The following NIPBL variants were observed in gnomAD, a reference collection of about 807,000 sequenced individuals.
The protein encoded by NIPBL is NIPBL cohesin loading factor.
Under a neutral mutation model 321.8 loss-of-function variants are expected in NIPBL, and 19 were observed. That is an observed-to-expected ratio of 0.06 (90% CI 0.04 to 0.09). The LOEUF is 0.09. Ranked by LOEUF, NIPBL falls within the 10% of genes least tolerant of loss-of-function variation. The pLI is 1.00. For missense variants in NIPBL, 2,210 were observed against 3,327.0 expected, an observed-to-expected ratio of 0.66 and a Z score of 8.26; for synonymous variants, 1,106 against 1,114.1, an observed-to-expected ratio of 0.99 and a Z score of 0.14.
At chr5:36,912,164 A>T (rs950916005) in intron 1 of NIPBL, among the ~76,000 whole-genome samples, 1 of 152,220 alleles carries the variant, frequency 6.6e-6, no homozygotes, top group Non-Finnish European at 1.5e-5. Flanking sequence ...AAGAGAATAG[A>T]TTTAAGAAAT....
At chr5:36,980,595 T>G (rs1210384022) in intron 9 of NIPBL, among the ~76,000 whole-genome samples, 1 of 151,628 alleles carries the variant, frequency 6.6e-6, no homozygotes, top group African/African-American at 2.4e-5. Flanking sequence ...GTATTCAGTA[T>G]AGTAACATGC....
chr5:37,013,789 C>T (rs182485274), intron 21 of NIPBL, among the ~76,000 whole-genome samples: 305 of 152,348 alleles, frequency 2.0e-3, no homozygotes, highest in East Asian at 0.018. Context: ...AGATGCTCCT[C>T]ACTTCCCAGA....
chr5:36,991,134 G>GT (rs2149654969), intron 10 of NIPBL, among the ~76,000 whole-genome samples: 1 of 151,852 alleles, frequency 6.6e-6, no homozygotes, highest in South Asian at 2.1e-4. Context: ...AAATATTAGC[G>GT]TTTTCTGGCT....
rs773366068 is a variant in NIPBL, at chr5:36,985,470, A to T, written c.2290A>T (p.Asn764Tyr). ...RPETPKHRHD[N>Y]RRDSGKPSTE... ...TGAAACACCAAAACACAGGCATGAC[A>T]ATAGGAGGGATTCTGGAAAGCCATC... The change falls in exon 10 of 47, where the codon AAT becomes TAT. Residue 764 changes from asparagine to tyrosine, a missense_variant. Transcript: ENST00000282516. 1 of 1,613,614 alleles carries T rather than the reference A, an allele frequency of 6.2e-7. No individual in the cohort carries two copies. Among genetic ancestry groups the T allele is most frequent in the Non-Finnish European group, 8.5e-7 (1 of 1,179,948 alleles).
At position 36,881,452 on chromosome 5, in the gene NIPBL, C is replaced by G. The variant is rs147027397; in HGVS notation, c.-80+4274C>G. 4.8e-3 allele frequency among the ~76,000 whole-genome samples: 728 copies of G among 151,970 alleles called. 3 individuals are homozygous for G. Among genetic ancestry groups the G allele is most frequent in the Middle Eastern group, 6.8e-3 (2 of 294 alleles). On this transcript the variant is annotated intron_variant, in intron 1 of 46. Coordinates refer to ENST00000282516, the MANE Select transcript of NIPBL (RefSeq NM_133433.4). ...GCATTGCCAGCTAAGATTTTGAGGA[C>G]TTATTTGCCAGGAGTTAAGTCTGTC...
chr5:36,922,869 G>A (rs1749053967), intron 1 of NIPBL, among the ~76,000 whole-genome samples: 1 of 152,140 alleles, frequency 6.6e-6, no homozygotes. Flanking sequence ...ATGTTAAAGG[G>A]TAACTGATTT....
chr5:36,896,886 CA>C (rs1433741508), intron 1 of NIPBL, among the ~76,000 whole-genome samples: 1 of 152,156 alleles, frequency 6.6e-6, no homozygotes, highest in East Asian at 1.9e-4. Context: ...AGGCTTGACC[CA>C]CCACACCTGG....
chr5:37,011,216 A>G (rs1163119495), intron 21 of NIPBL, among the ~76,000 whole-genome samples: 3 of 152,218 alleles, frequency 2.0e-5, no homozygotes, highest in Non-Finnish European at 4.4e-5. Flanking sequence ...GTTAGAGCCA[A>G]GCATATGTGT....
intron 32 of NIPBL, among the ~76,000 whole-genome samples, chr5:37,028,812 A>G (rs1432480046): frequency 1.3e-5 from 2 of 152,146 alleles, no homozygotes; most frequent in Non-Finnish European, 2.9e-5. Context: ...CTGTCTCAAA[A>G]ATGTATTTTT....
rs1745097407 is a variant in NIPBL at position 36,876,880 on chromosome 5, C to T, written c.-378C>T. The T allele has an allele frequency of 5.1e-6, 2 of 391,748 alleles. No homozygotes were observed. Among genetic ancestry groups the T allele is most frequent in the Admixed American group, 4.5e-5 (1 of 22,080 alleles). 24.3% of individuals were successfully genotyped at this position (391,748 alleles called of 1,614,324 possible). ...TACCGACTCACCCGACACCACCAAG[C>T]CGCAGGGAGGGACGCCCCCGCCGAC... On this transcript the variant is annotated 5_prime_UTR_variant, in exon 1 of 47. Coordinates refer to ENST00000282516, the MANE Select transcript of NIPBL (RefSeq NM_133433.4).
chr5:36,918,491 C>G (rs1202320560), intron 1 of NIPBL, among the ~76,000 whole-genome samples: 1 of 152,120 alleles, frequency 6.6e-6, no homozygotes, highest in African/African-American at 2.4e-5. Flanking sequence ...TTGACTTCCT[C>G]TTTTCCTAAT....
intron 8 of NIPBL, among the ~76,000 whole-genome samples, 166 bp downstream of exon 8, chr5:36,972,207 G>A (rs112872180): frequency 8.6e-4 from 131 of 151,696 alleles, no homozygotes; most frequent in African/African-American, 2.9e-3. Flanking sequence ...ATTTAAATCT[G>A]TCCCTATTCA....
chr5:36,886,067 G>T lies in NIPBL; in HGVS notation c.-80+8889G>T, dbSNP rs1035136319. On this transcript the variant is annotated intron_variant, in intron 1 of 46. Transcript: ENST00000282516. Reference sequence around the variant, plus strand: ...AGTGGTCACCACTCAGTCCGCGCAGGTCGGAGCTGCTGAGATGACACTCAC... The same window carrying T: ...AGTGGTCACCACTCAGTCCGCGCAGTTCGGAGCTGCTGAGATGACACTCAC... The T allele has an allele frequency of 2.3e-5, 16 of 702,664 alleles. No homozygotes were observed. The Admixed American group carries it at 2.7e-4, about 12-fold the overall frequency. The allele number at this position is 702,664 out of a possible 1,614,324, so 43.5% of individuals were successfully genotyped here.
intron 1 of NIPBL, among the ~76,000 whole-genome samples, chr5:36,919,802 T>G (rs980987906): frequency 2.0e-4 from 31 of 152,138 alleles, no homozygotes; most frequent in African/African-American, 7.2e-4. Flanking sequence ...AATTGCAGTG[T>G]TCACAGGATT....
chr5:36,893,283 A>C (rs1024835244), intron 1 of NIPBL, among the ~76,000 whole-genome samples: 5 of 152,220 alleles, frequency 3.3e-5, no homozygotes, highest in Admixed American at 2.0e-4. Context: ...TGCTTTTAAA[A>C]TAAATTTTAA....
rs1167724948 is a variant in NIPBL at position 37,045,594 on chromosome 5, CAAGGTA to C, written c.6498+4_6498+9del. 1.8e-5 allele frequency: 29 copies of C among 1,613,478 alleles called. No homozygotes were observed. Among genetic ancestry groups the C allele is most frequent in the Middle Eastern group, 3.3e-4 (2 of 6,084 alleles). ...ATCTGGAAGATTTTAAAGGCAACAG[CAAGGTA>C]AAGGTAGTAATACTTAAAATGCTAT... On this transcript the variant is annotated splice_donor_variant and splice_donor_region_variant and coding_sequence_variant and intron_variant, in exon 37 of 47. Coordinates refer to ENST00000282516, the MANE Select transcript of NIPBL (RefSeq NM_133433.4). LOFTEE classifies it high-confidence loss of function.
At chr5:37,029,303 A>G (rs966857425) in intron 32 of NIPBL, among the ~76,000 whole-genome samples, 1 of 152,160 alleles carries the variant, frequency 6.6e-6, no homozygotes, top group Non-Finnish European at 1.5e-5. Flanking sequence ...GTACCTTTTC[A>G]TGTACATTGT....
chr5:36,884,515 C>G (rs748935826), intron 1 of NIPBL, among the ~76,000 whole-genome samples: 2 of 152,170 alleles, frequency 1.3e-5, no homozygotes, highest in Non-Finnish European at 2.9e-5. Context: ...CATTCCATTT[C>G]ATAGCATTTG....
At chr5:36,974,434 G>A (rs950065874) in intron 8 of NIPBL, among the ~76,000 whole-genome samples, 1 of 152,018 alleles carries the variant, frequency 6.6e-6, no homozygotes, top group African/African-American at 2.4e-5. Flanking sequence ...AAGGCATAAT[G>A]GTATATTACA....
Sources: allele counts gnomAD v4.1 joint callset (sites outside exome capture counted in the v4.1 genomes callset), GRCh38; gene constraint gnomAD v4.1.1; transcripts MANE v1.5; gene names NCBI Gene and HGNC (gene_info 2026-07-23, HGNC 2026-07-21).